KCNIP4: variants seen among roughly 807,000 people sequenced by gnomAD.
KCNIP4 encodes the protein potassium voltage-gated channel interacting protein 4.
A neutral mutation model predicts 34.0 loss-of-function variants in KCNIP4; 12 were observed. That is an observed-to-expected ratio of 0.35 (90% CI 0.23 to 0.57). The LOEUF is 0.57. Ranked by LOEUF, KCNIP4 falls within the 20% of genes least tolerant of loss-of-function variation. The pLI is 0.83. For synonymous variants in KCNIP4, 124 were observed against 102.2 expected (o/e 1.21, Z -1.29); for missense variants, 238 against 311.7 (o/e 0.76, Z 1.78).
chr4:21,635,393 G>A (rs1746066763), intron 1 of KCNIP4, among the ~76,000 whole-genome samples: 2 of 152,102 alleles, frequency 1.3e-5, no homozygotes, highest in South Asian at 4.1e-4. Context: ...TCAATCATCA[G>A]GATGTGCTTC....
chr4:21,175,360 T>C (rs761870480), intron 1 of KCNIP4, among the ~76,000 whole-genome samples: 10 of 152,162 alleles, frequency 6.6e-5, no homozygotes, highest in Non-Finnish European at 1.3e-4. Context: ...CCGTGAGGGA[T>C]ATGGATAATT....
chr4:21,165,875 T>C (rs946292757), intron 1 of KCNIP4, among the ~76,000 whole-genome samples: 7 of 152,218 alleles, frequency 4.6e-5, no homozygotes, highest in South Asian at 4.1e-4. Context: ...TTGGCCATGC[T>C]GGCTCTGCCT....
intron 1 of KCNIP4, among the ~76,000 whole-genome samples, chr4:21,158,246 A>G (rs1432572264): frequency 6.6e-6 from 1 of 152,134 alleles, no homozygotes; most frequent in Admixed American, 6.5e-5. Context: ...AGATTATACA[A>G]ATTCAAAGCA....
intron 1 of KCNIP4, among the ~76,000 whole-genome samples, chr4:21,922,908 T>G (rs971792865): frequency 3.9e-5 from 6 of 152,202 alleles, no homozygotes; most frequent in African/African-American, 1.2e-4. Context: ...GATTTTTCTT[T>G]GTAAGTCACA....
At chr4:21,706,450 T>C (rs73114086) in intron 1 of KCNIP4, among the ~76,000 whole-genome samples, 1 of 152,290 alleles carries the variant, frequency 6.6e-6, no homozygotes, top group African/African-American at 2.4e-5. Flanking sequence ...TGAAATAAGT[T>C]ACAGAAGGAC....
chr4:21,703,823 A>G (rs1713055722), intron 1 of KCNIP4, among the ~76,000 whole-genome samples: 2 of 152,304 alleles, frequency 1.3e-5, no homozygotes, highest in African/African-American at 2.4e-5. Context: ...TCGATCATAG[A>G]CAAGATTTTT....
chr4:21,288,096 T>A (rs150816500), intron 1 of KCNIP4, among the ~76,000 whole-genome samples: 2 of 152,236 alleles, frequency 1.3e-5, no homozygotes, highest in East Asian at 3.9e-4. Context: ...GCAGCTTTTT[T>A]CTACCAGTGG....
intron 1 of KCNIP4, among the ~76,000 whole-genome samples, chr4:21,488,413 T>C (rs1360562883): frequency 1.3e-5 from 2 of 152,148 alleles, no homozygotes; most frequent in African/African-American, 4.8e-5. Context: ...TTTAAATTAT[T>C]TCCAAACTTT....
At chr4:21,071,977 C>G (rs989221635) in intron 1 of KCNIP4, among the ~76,000 whole-genome samples, 1 of 152,022 alleles carries the variant, frequency 6.6e-6, no homozygotes, top group African/African-American at 2.4e-5. Flanking sequence ...TGAACTCATC[C>G]TTTTTTATGG....
chr4:21,617,132 A>G (rs1389541743), intron 1 of KCNIP4, among the ~76,000 whole-genome samples: 2 of 152,352 alleles, frequency 1.3e-5, no homozygotes, highest in Admixed American at 6.5e-5. Flanking sequence ...TATTTTTACC[A>G]AAACTGTCAT....
chr4:20,934,268 T>G (rs538998641), intron 1 of KCNIP4, among the ~76,000 whole-genome samples: 1 of 152,258 alleles, frequency 6.6e-6, no homozygotes, highest in South Asian at 2.1e-4. Flanking sequence ...CTATATTTTA[T>G]CAAAACAAAA....
At chr4:21,447,829 C>G (rs560411616) in intron 1 of KCNIP4, among the ~76,000 whole-genome samples, 2 of 152,218 alleles carry the variant, frequency 1.3e-5, no homozygotes, top group African/African-American at 4.8e-5. Context: ...AGGCAGGTAG[C>G]TATACAGCAT....
intron 1 of KCNIP4, among the ~76,000 whole-genome samples, chr4:21,356,574 A>C (rs1030980376): frequency 5.3e-5 from 8 of 152,280 alleles, no homozygotes; most frequent in East Asian, 3.9e-4. Flanking sequence ...CAATTGCTTC[A>C]AAGAGAATAA....
intron 1 of KCNIP4, among the ~76,000 whole-genome samples, chr4:21,652,066 C>A (rs1747527247): frequency 6.6e-6 from 1 of 152,128 alleles, no homozygotes; most frequent in Non-Finnish European, 1.5e-5. Context: ...CAGGTCTACA[C>A]CTCTAACACT....
chr4:21,505,232 C>G (rs1733736440), intron 1 of KCNIP4, among the ~76,000 whole-genome samples: 1 of 151,518 alleles, frequency 6.6e-6, no homozygotes, highest in Non-Finnish European at 1.5e-5. Flanking sequence ...ATTTTTCCCC[C>G]CATTGGATTT....
chr4:21,021,978 T>C (rs1740110126), intron 1 of KCNIP4, among the ~76,000 whole-genome samples: 1 of 152,136 alleles, frequency 6.6e-6, no homozygotes, highest in Non-Finnish European at 1.5e-5. Flanking sequence ...TAATGGTGTG[T>C]GCTATGCTTT....
intron 1 of KCNIP4, among the ~76,000 whole-genome samples, chr4:21,132,229 T>C (rs1751123409): frequency 6.6e-6 from 1 of 152,230 alleles, no homozygotes; most frequent in East Asian, 1.9e-4. Flanking sequence ...GAACAGCCTG[T>C]TTCTGTTTAA....
At chr4:21,241,238 C>A (rs1010913103) in intron 1 of KCNIP4, among the ~76,000 whole-genome samples, 3 of 152,086 alleles carry the variant, frequency 2.0e-5, no homozygotes, top group Admixed American at 2.0e-4. Context: ...GATATATAAT[C>A]AAAAATTAAT....
chr4:21,263,690 C>G lies in KCNIP4; in HGVS notation c.62-380981G>C, dbSNP rs1171472709. Among the ~76,000 whole-genome samples, 4 of 152,058 alleles carry G rather than the reference C, an allele frequency of 2.6e-5. No individual in the cohort carries two copies. The South Asian group carries it at 8.3e-4, about 31-fold the overall frequency. Reference sequence around the variant, plus strand: ...AATTTTTTAATTTTATTTTTTGCGACAGGGTCTCACTGTGTCATGCAGGCT... The same window carrying G: ...AATTTTTTAATTTTATTTTTTGCGAGAGGGTCTCACTGTGTCATGCAGGCT... On this transcript the variant is annotated intron_variant, in intron 1 of 8. Transcript: ENST00000382152.
Sources: gnomAD v4.1 joint callset for allele counts (sites outside exome capture counted in the v4.1 genomes callset) on GRCh38, gnomAD v4.1.1 for gene constraint, MANE v1.5 for transcripts, NCBI Gene and HGNC (gene_info 2026-07-23, HGNC 2026-07-21) for gene names.